The following ARHGEF26 variants were observed in gnomAD, a reference collection of about 807,000 sequenced individuals.
ARHGEF26 encodes Rho guanine nucleotide exchange factor 26, also known as Rho guanine nucleotide exchange factor (GEF) 26.
In ARHGEF26, 59 loss-of-function variants were observed where a neutral mutation model predicts 89.4. The observed-to-expected ratio is 0.66, with a 90% CI of 0.54 to 0.82. The LOEUF (loss-of-function observed/expected upper bound fraction) is 0.82. Ranked by LOEUF, ARHGEF26 falls within the 40% of genes least tolerant of loss-of-function variation. The pLI, the probability that ARHGEF26 is intolerant of heterozygous loss-of-function variation, is 0.00. For synonymous variants in ARHGEF26, 500 were observed against 428.4 expected, an observed-to-expected ratio of 1.17 and a Z score of -2.06; for missense variants, 1,234 against 1,085.6, an observed-to-expected ratio of 1.14 and a Z score of -1.92.
At chr3:154,224,572 G>A (rs1358364528) in intron 10 of ARHGEF26, among the ~76,000 whole-genome samples, 6 of 152,114 alleles carry the variant, frequency 3.9e-5, no homozygotes, top group African/African-American at 9.7e-5. Context: ...CCCTTCAGCC[G>A]GACCTACCCT....
chr3:154,208,925 C>T (rs1008233359), intron 9 of ARHGEF26, among the ~76,000 whole-genome samples: 5 of 151,950 alleles, frequency 3.3e-5, no homozygotes, highest in East Asian at 1.9e-4. Context: ...ACCACCATGC[C>T]TGGCTAATTT....
intron 4 of ARHGEF26, among the ~76,000 whole-genome samples, chr3:154,134,783 A>T (rs1359463158): frequency 4.7e-5 from 7 of 150,424 alleles, no homozygotes; most frequent in African/African-American, 1.2e-4. Context: ...TTTTTTTTTT[A>T]ACATGAATCA....
chr3:154,188,296 A>T (rs1014667896), intron 7 of ARHGEF26, among the ~76,000 whole-genome samples: 6 of 152,238 alleles, frequency 3.9e-5, no homozygotes, highest in African/African-American at 1.4e-4. Context: ...AAAATTGCTG[A>T]TTATTCCCCC....
chr3:154,140,828 G>A (rs1233383281), intron 4 of ARHGEF26, among the ~76,000 whole-genome samples: 1 of 152,080 alleles, frequency 6.6e-6, no homozygotes, highest in Admixed American at 6.5e-5. Flanking sequence ...TTATCTGCTC[G>A]CCTCGGCTTC....
rs781721563 is a variant in ARHGEF26, at chr3:154,122,659, C to T, written c.667C>T (p.Gln223Ter). 1 of 1,613,922 alleles carries T rather than the reference C, an allele frequency of 6.2e-7. No individual in the cohort carries two copies. The highest frequency in any genetic ancestry group is 8.5e-7 in the Non-Finnish European group (1 of 1,179,890). Residue 223 changes from glutamine to a stop codon, truncating the protein, a stop_gained, in exon 2 of 15, where the codon CAG (glutamine) becomes TAG (stop). Transcript: ENST00000465093. LOFTEE classifies it high-confidence loss of function. ...QKLPLQRLPS[Q>*]ENELLENPSV... Reference sequence around the variant, plus strand: ...ACTCCCCCTCCAAAGGCTGCCCTCCCAGGAGAACGAGCTCCTCGAGAATCC... The same window carrying T: ...ACTCCCCCTCCAAAGGCTGCCCTCCTAGGAGAACGAGCTCCTCGAGAATCC...
intron 6 of ARHGEF26, among the ~76,000 whole-genome samples, chr3:154,180,771 A>G (rs357468): frequency 0.9 from 135,780 of 151,008 alleles, 61,200 homozygotes; most frequent in East Asian, 1. Flanking sequence ...AAAATAGAAT[A>G]TGAGAAGACA....
At chr3:154,211,911 C>T (rs953971971) in intron 9 of ARHGEF26, among the ~76,000 whole-genome samples, 1 of 151,548 alleles carries the variant, frequency 6.6e-6, no homozygotes, top group Non-Finnish European at 1.5e-5. Context: ...TAGAAATAGT[C>T]CCAGAATCAT....
In ARHGEF26 at chr3:154,197,929, T is replaced by G. The variant is rs902787287; in HGVS notation, c.1845+3211T>G. Among the ~76,000 whole-genome samples the G allele has an allele frequency of 2.0e-5, 3 of 152,116 alleles. No individual in the cohort carries two copies. The South Asian group carries it at 6.2e-4, about 31-fold the overall frequency. Reference sequence around the variant, plus strand: ...AATCTTCCCTGTTATTTCCTTCTGTTTACTCTCCCATGGAAAGAGAATGTC... The same window carrying G: ...AATCTTCCCTGTTATTTCCTTCTGTGTACTCTCCCATGGAAAGAGAATGTC... On this transcript the variant is annotated intron_variant, in intron 9 of 14. Transcript: ENST00000465093.
chr3:154,253,767 GATT>G (rs747064693), intron 13 of ARHGEF26, among the ~76,000 whole-genome samples: 11 of 152,114 alleles, frequency 7.2e-5, no homozygotes, highest in Admixed American at 2.0e-4. Flanking sequence ...TGGTTTCTTA[GATT>G]ATTACAGTTG....
chr3:154,248,285 C>T (rs1717917575), intron 12 of ARHGEF26, among the ~76,000 whole-genome samples: 1 of 152,156 alleles, frequency 6.6e-6, no homozygotes, highest in Admixed American at 6.5e-5. Context: ...ACCATCCAGA[C>T]ACCAATTCCT....
At chr3:154,228,674 C>G (rs357499) in intron 11 of ARHGEF26, among the ~76,000 whole-genome samples, 138,801 of 152,040 alleles carry the variant, frequency 0.91, 63,598 homozygotes, top group East Asian at 1. Flanking sequence ...ACAGAAGCTT[C>G]ATAAACAGAC....
chr3:154,161,728 G>T (rs1438378231), intron 6 of ARHGEF26, among the ~76,000 whole-genome samples: 1 of 152,140 alleles, frequency 6.6e-6, no homozygotes, highest in Admixed American at 6.5e-5. Context: ...TTTTGACATT[G>T]AGTGAATCAA....
chr3:154,146,852 A>G (rs190308683), intron 4 of ARHGEF26, among the ~76,000 whole-genome samples: 1 of 152,344 alleles, frequency 6.6e-6, no homozygotes, highest in East Asian at 1.9e-4. Flanking sequence ...TTCAGAATCT[A>G]CAGATTTGAA....
intron 9 of ARHGEF26, among the ~76,000 whole-genome samples, chr3:154,197,467 G>T (rs1217382897): frequency 6.6e-6 from 1 of 152,112 alleles, no homozygotes; most frequent in African/African-American, 2.4e-5. Flanking sequence ...TTATTTTAGA[G>T]AGTTAAATTT....
rs1718038710 is a variant in ARHGEF26, at chr3:154,122,582, ACCCCGAACGGGGGCTCTTTCCTGGG to A, written c.595_619del (p.Glu199ArgfsTer29). ...TCGCAGTCCGGCCGGAAGGCAAAGG[ACCCCGAACGGGGGCTCTTTCCTGGG>A]CCCCAGAAAAGTTCTTCGGAACAAA... On this transcript the variant is annotated frameshift_variant, in exon 2 of 15. Transcript: ENST00000465093. LOFTEE classifies it high-confidence loss of function. 2 of 1,613,422 alleles carry A rather than the reference ACCCCGAACGGGGGCTCTTTCCTGGG, an allele frequency of 1.2e-6. No homozygotes were observed. Among genetic ancestry groups the A allele is most frequent in the Non-Finnish European group, 1.7e-6 (2 of 1,179,886 alleles).
Position 154,124,420 on chromosome 3 carries a change from T to C in ARHGEF26, c.1094T>C (p.Leu365Pro). The C allele has an allele frequency of 1.3e-6, 2 of 1,482,330 alleles. No homozygotes were observed. The highest frequency in any genetic ancestry group is 1.8e-6 in the Non-Finnish European group (2 of 1,123,374). 91.8% of individuals were successfully genotyped at this position (1,482,330 alleles called of 1,614,324 possible). Residue 365 changes from leucine to proline, a missense_variant, in exon 3 of 15, where the codon CTG becomes CCG. Leu to Pro is a moderately conservative substitution (Grantham distance 98). Transcript: ENST00000465093. ...SSLGRIKKKMLKGQGTFDGEE... is the reference protein window; with the variant it reads ...SSLGRIKKKMPKGQGTFDGEE... ...TTTTTTGTCTCTTAGAAAAAAATGC[T>C]GAAAGGACAAGGAACATTTGATGGG...
chr3:154,245,069 C>T (rs533270705), intron 12 of ARHGEF26, among the ~76,000 whole-genome samples: 11 of 152,284 alleles, frequency 7.2e-5, no homozygotes, highest in Middle Eastern at 6.8e-3. Context: ...ACTCTGTCGC[C>T]GGGGCTGGAG....
At chr3:154,136,694 A>C (rs1719031154) in intron 4 of ARHGEF26, among the ~76,000 whole-genome samples, 1 of 152,236 alleles carries the variant, frequency 6.6e-6, no homozygotes, top group Admixed American at 6.5e-5. Flanking sequence ...TGCTTAATGC[A>C]TTTAAACTTA....
chr3:154,257,739 A>G lies in ARHGEF26; in HGVS notation c.*2266A>G, dbSNP rs560227346. The G allele has an allele frequency of 6.9e-4, 104 of 151,606 alleles. No individual in the cohort carries two copies. The highest frequency in any genetic ancestry group is 2.4e-3 in the African/African-American group (99 of 40,846). 9.4% of individuals were successfully genotyped at this position (151,606 alleles called of 1,614,324 possible). The stretch of plus-strand genomic sequence containing the variant: ...ACATTGACTTCATTACTAAAGAACA[A>G]AAATGTTCATTTTTGTCCCAGTAAA... On this transcript the variant is annotated 3_prime_UTR_variant, in exon 15 of 15. Transcript: ENST00000465093.
Sources: gnomAD v4.1 joint callset for allele counts (sites outside exome capture counted in the v4.1 genomes callset) on GRCh38, gnomAD v4.1.1 for gene constraint, MANE v1.5 for transcripts, NCBI Gene and HGNC (gene_info 2026-07-23, HGNC 2026-07-21) for gene names.